The following ABHD12B variants were observed in gnomAD, a reference collection of about 807,000 sequenced individuals.
The protein encoded by ABHD12B is protein ABHD12B.
ABHD12B carries 42 observed loss-of-function variants against 50.4 expected under a neutral mutation model. That is an observed-to-expected ratio of 0.83 (90% CI 0.65 to 1.08). The LOEUF (loss-of-function observed/expected upper bound fraction) is 1.08. Among genes scored for constraint, ABHD12B ranks in the 50% least tolerant of loss-of-function variants. The probability of loss-of-function intolerance (pLI) is 0.00; values close to 1 mark genes in which losing one functional copy is unlikely to be tolerated. For synonymous variants in ABHD12B, 167 were observed against 160.3 expected (o/e 1.04, Z -0.32); for missense variants, 479 against 447.7 (o/e 1.07, Z -0.63).
rs924832808 is a variant in ABHD12B at position 50,872,097 on chromosome 14, C to T, written c.-78C>T. ...AGGAGGAGGGCGGGCGCGGTGCCGC[C>T]GGGGCGGGAAGGTCGCGGGCGGCTG... On this transcript the variant is annotated 5_prime_UTR_variant, in exon 1 of 13. Coordinates refer to ENST00000337334, the MANE Select transcript of ABHD12B (RefSeq NM_001206673.2). 3.6e-6 allele frequency: 4 copies of T among 1,101,860 alleles called. No individual in the cohort carries two copies. Among genetic ancestry groups the T allele is most frequent in the South Asian group, 8.7e-5 (2 of 22,996 alleles). 68.3% of individuals were successfully genotyped at this position (1,101,860 alleles called of 1,614,324 possible).
intron 9 of ABHD12B, chr14:50,895,789 C>T (rs943065258): frequency 6.6e-6 from 1 of 152,168 alleles, no homozygotes; most frequent in Non-Finnish European, 1.5e-5. Context: ...TTTCAAGGGC[C>T]TGTTTCCCTT....
chr14:50,903,295 CA>C, intron 10 of ABHD12B, 93 bp from the exon 11 acceptor site: 1 of 882,700 alleles, frequency 1.1e-6, no homozygotes, highest in Non-Finnish European at 1.8e-6. Flanking sequence ...GTAATTTAGA[CA>C]GGCCTCATGT....
intron 1 of ABHD12B, 34 bp from the exon 2 acceptor site, chr14:50,877,918 T>TCGAAAACC (rs747163926): frequency 1.2e-4 from 175 of 1,469,714 alleles, no homozygotes; most frequent in Admixed American, 1.9e-4. Context: ...TGGATTAATT[T>TCGAAAACC]CGAAAACCTT....
intron 9 of ABHD12B, among the ~76,000 whole-genome samples, chr14:50,894,948 G>A (rs1035813245): frequency 8.7e-5 from 13 of 149,244 alleles, no homozygotes; most frequent in Non-Finnish European, 1.8e-4. Context: ...ACCTGGTCCT[G>A]CTTACAGTTT....
rs183322152 is a variant in ABHD12B at position 50,893,641 on chromosome 14, C to T, written c.780+4738C>T. 865 of 159,184 alleles carry T rather than the reference C, an allele frequency of 5.4e-3. 13 individuals are homozygous for T. Among genetic ancestry groups the T allele is most frequent in the African/African-American group, 0.02 (814 of 41,672 alleles). 9.9% of individuals were successfully genotyped at this position (159,184 alleles called of 1,614,324 possible). A position where few individuals can be genotyped will look rare whatever the true frequency, so the allele number is the denominator to read the frequency against. On this transcript the variant is annotated intron_variant, in intron 9 of 12. Transcript: ENST00000337334. ...GGTGCCGTGACTCGGATCGGGGGAC[C>T]TCCCTTGGGAGATCAATCCCCCATC...
chr14:50,904,130 C>A lies in ABHD12B; in HGVS notation c.999C>A (p.Ile333=). 6.2e-7 allele frequency: 1 copy of A among 1,614,146 alleles called. No homozygotes were observed. Among genetic ancestry groups the A allele is most frequent in the East Asian group, 2.2e-5 (1 of 44,886 alleles). The stretch of plus-strand genomic sequence containing the variant: ...ACAAAGAGAGGGTCAAGATGGTTAT[C>A]TTTCCTCCTGGCTTCCAACACAACC... ...YRNKERVKMV[I]FPPGFQHNLL... Residue 333 remains isoleucine, a synonymous_variant, in exon 12 of 13, where the codon ATC becomes ATA. Transcript: ENST00000337334.
At chr14:50,897,697 G>T (rs2050214714) in intron 9 of ABHD12B, among the ~76,000 whole-genome samples, 2 of 152,154 alleles carry the variant, frequency 1.3e-5, no homozygotes, top group Non-Finnish European at 2.9e-5. Flanking sequence ...ATCTGTCCTT[G>T]GCCACATACC....
intron 5 of ABHD12B, among the ~76,000 whole-genome samples, chr14:50,881,992 G>A (rs905663200): frequency 6.6e-6 from 1 of 151,054 alleles, no homozygotes; most frequent in Non-Finnish European, 1.5e-5. Flanking sequence ...CTGGAGTGCA[G>A]TGGCATGATC....
At chr14:50,903,543 T>A in intron 11 of ABHD12B, 76 bp downstream of exon 11, 1 of 1,267,584 alleles carries the variant, frequency 7.9e-7, no homozygotes, top group Admixed American at 2.0e-5. Context: ...CAAACTTTGA[T>A]TAGAGCCGAA....
chr14:50,885,039 T>A (rs1417575239), intron 5 of ABHD12B, among the ~76,000 whole-genome samples: 1 of 152,214 alleles, frequency 6.6e-6, no homozygotes, highest in Non-Finnish European at 1.5e-5. Flanking sequence ...GCGACTATTA[T>A]TGTTTCTCAC....
chr14:50,902,202 C>A (rs1566495882), intron 10 of ABHD12B, among the ~76,000 whole-genome samples: 1 of 151,886 alleles, frequency 6.6e-6, no homozygotes, highest in African/African-American at 2.4e-5. Flanking sequence ...TTTTAAAGGG[C>A]TTGGTAGTGT....
intron 5 of ABHD12B, among the ~76,000 whole-genome samples, chr14:50,884,437 G>C (rs749757497): frequency 2.6e-5 from 4 of 152,192 alleles, no homozygotes; most frequent in Non-Finnish European, 5.9e-5. Flanking sequence ...ATGAGGTTTT[G>C]CCACCCGGAT....
At chr14:50,874,555 G>T (rs973269216) in intron 1 of ABHD12B, among the ~76,000 whole-genome samples, 3 of 151,718 alleles carry the variant, frequency 2.0e-5, no homozygotes, top group African/African-American at 7.3e-5. Context: ...AGCCGAGATC[G>T]CACCACTGCA....
chr14:50,893,901 C>T (rs1263518487), intron 9 of ABHD12B: 1 of 152,698 alleles, frequency 6.5e-6, no homozygotes, highest in Non-Finnish European at 1.5e-5. Context: ...ACAAAGGAGA[C>T]ACGTTTTATC....
At position 50,872,127 on chromosome 14, in the gene ABHD12B, G is replaced by A. The variant is rs2049792234; in HGVS notation, c.-48G>A. On this transcript the variant is annotated 5_prime_UTR_variant, in exon 1 of 13. Transcript: ENST00000337334. ...CGGGAAGGTCGCGGGCGGCTGCTCC[G>A]GACTGCAGCTCCCGCGGCGGTGGCG... 8.2e-7 allele frequency: 1 copy of A among 1,226,174 alleles called. No individual in the cohort carries two copies. The highest frequency in any genetic ancestry group is 1.0e-6 in the Non-Finnish European group (1 of 976,632). 76.0% of individuals were successfully genotyped at this position (1,226,174 alleles called of 1,614,324 possible). A position where few individuals can be genotyped will look rare whatever the true frequency, so the allele number is the denominator to read the frequency against.
Position 50,904,172 on chromosome 14 carries a change from C to A in ABHD12B, c.1041C>A (p.Pro347=). Residue 347 remains proline, a synonymous_variant, in exon 12 of 13, where the codon CCC becomes CCA. Coordinates refer to ENST00000337334, the MANE Select transcript of ABHD12B (RefSeq NM_001206673.2). ...AACACAACCTGCTTTGTAAAAGCCC[C>A]ACACTGTTAATAACCGTGAGGTAAG... is the stretch of plus-strand genomic sequence containing the variant. The part of the protein sequence containing the change: ...GFQHNLLCKS[P]TLLITVRDFL... 1.2e-6 allele frequency: 2 copies of A among 1,614,152 alleles called. No homozygotes were observed. The highest frequency in any genetic ancestry group is 1.7e-6 in the Non-Finnish European group (2 of 1,179,994).
At chr14:50,903,094 T>C (rs2050281424) in intron 10 of ABHD12B, among the ~76,000 whole-genome samples, 1 of 146,084 alleles carries the variant, frequency 6.8e-6, no homozygotes, top group African/African-American at 2.5e-5. Flanking sequence ...ACAAAATCAG[T>C]GTTTCAGTGT....
chr14:50,879,713 C>CT lies in ABHD12B; in HGVS notation c.336-735dup, dbSNP rs534440852. On this transcript the variant is annotated intron_variant, in intron 3 of 12. Coordinates refer to ENST00000337334, the MANE Select transcript of ABHD12B (RefSeq NM_001206673.2). ...AATTTAGAAATCTTTTTATTTTTTG[C>CT]TTTTGCCCCACTGGTCCTTGGTTTG... Among the ~76,000 whole-genome samples, 91 of 152,244 alleles carry CT rather than the reference C, an allele frequency of 6.0e-4. No homozygotes were observed. In the South Asian group the frequency reaches 0.018, roughly 31 times the overall value.
intron 5 of ABHD12B, among the ~76,000 whole-genome samples, chr14:50,884,702 C>CTTCTTT (rs1566487285): frequency 7.9e-6 from 1 of 126,594 alleles, no homozygotes; most frequent in African/African-American, 3.0e-5. Flanking sequence ...TGTATTTCTT[C>CTTCTTT]TTTTTTTTTT....
Sources: allele counts gnomAD v4.1 joint callset (sites outside exome capture counted in the v4.1 genomes callset), GRCh38; gene constraint gnomAD v4.1.1; transcripts MANE v1.5; gene names NCBI Gene and HGNC (gene_info 2026-07-23, HGNC 2026-07-21).